SKIC2: variants seen among roughly 807,000 people sequenced by gnomAD.
The protein encoded by SKIC2 is superkiller complex protein 2.
the SKIC2 span, among the ~76,000 whole-genome samples, chr6:31,965,262 G>A: frequency 6.6e-6 from 1 of 152,206 alleles, no homozygotes; most frequent in Non-Finnish European, 1.5e-5. This position sits in a 1 kb window ranked among gnomAD's most constrained non-coding sequence, Gnocchi z 5.6. Context: ...GTGGCATGGT[G>A]TTGGTAGTAC....
chr6:31,961,685 C>T, the SKIC2 span: 2 of 1,610,190 alleles, frequency 1.2e-6, no homozygotes, highest in Middle Eastern at 1.7e-4. Flanking sequence ...GGTACTTTGG[C>T]CCCATCTTCA....
the SKIC2 span, chr6:31,968,164 G>C: frequency 6.4e-7 from 1 of 1,572,104 alleles, no homozygotes; most frequent in African/African-American, 1.3e-5. The surrounding 1 kb of genome is among the most constrained non-coding windows in gnomAD (Gnocchi z 6.1). Flanking sequence ...GTTTCCTCCA[G>C]CCTGAGGGAG....
At chr6:31,963,987 C>G in the SKIC2 span, 1 of 1,612,602 alleles carries the variant, frequency 6.2e-7, no homozygotes. The surrounding 1 kb of genome is among the most constrained non-coding windows in gnomAD (Gnocchi z 5.3). Context: ...TGTTCACCTT[C>G]TCCCGGGGCC....
the SKIC2 span, chr6:31,963,721 G>C: frequency 6.5e-7 from 1 of 1,546,236 alleles, no homozygotes. This position sits in a 1 kb window ranked among gnomAD's most constrained non-coding sequence, Gnocchi z 5.3. Flanking sequence ...CACATCAGGG[G>C]GGCCCTGCAC....
the SKIC2 span, chr6:31,968,751 G>A: frequency 2.5e-6 from 4 of 1,612,932 alleles, no homozygotes; most frequent in East Asian, 6.7e-5. The surrounding 1 kb of genome is among the most constrained non-coding windows in gnomAD (Gnocchi z 6.1). Context: ...TCCTACTGTC[G>A]GATCAGTCAT....
chr6:31,967,415 G>A, the SKIC2 span: 1 of 1,493,712 alleles, frequency 6.7e-7, no homozygotes, highest in African/African-American at 1.4e-5. The surrounding 1 kb of genome is among the most constrained non-coding windows in gnomAD (Gnocchi z 4.9). Context: ...GAGGGTGGGA[G>A]GGAGCAAGCC....
At chr6:31,967,113 A>G in the SKIC2 span, 4 of 1,612,034 alleles carry the variant, frequency 2.5e-6, no homozygotes, top group Non-Finnish European at 3.4e-6. This position sits in a 1 kb window ranked among gnomAD's most constrained non-coding sequence, Gnocchi z 4.9. Context: ...TGGGGGGAGG[A>G]ACTGACAGAG....
chr6:31,968,198 T>G, the SKIC2 span: 2 of 1,495,914 alleles, frequency 1.3e-6, no homozygotes, highest in Non-Finnish European at 1.8e-6. The surrounding 1 kb of genome is among the most constrained non-coding windows in gnomAD (Gnocchi z 6.1). Flanking sequence ...GGGGTTGTAG[T>G]GAGGGGGCTC....
the SKIC2 span, chr6:31,959,193 A>C: frequency 6.2e-7 from 1 of 1,610,156 alleles, no homozygotes; most frequent in South Asian, 1.1e-5. Context: ...TGGCTCCAGG[A>C]TGATGGAGAC....
chr6:31,963,338 G>T, the SKIC2 span: 10 of 1,365,350 alleles, frequency 7.3e-6, no homozygotes, highest in Non-Finnish European at 8.9e-6. The surrounding 1 kb of genome is among the most constrained non-coding windows in gnomAD (Gnocchi z 5.3). Context: ...AAGTTGGAGG[G>T]GTAGGGAAGG....
At chr6:31,961,832 C>T in the SKIC2 span, 1 of 1,582,488 alleles carries the variant, frequency 6.3e-7, no homozygotes, top group Non-Finnish European at 8.6e-7. Context: ...CATCCGCCCG[C>T]CCTGCGTGCT....
At chr6:31,968,017 G>GGT in the SKIC2 span, 1 of 1,612,982 alleles carries the variant, frequency 6.2e-7, no homozygotes, top group Non-Finnish European at 8.5e-7. This position sits in a 1 kb window ranked among gnomAD's most constrained non-coding sequence, Gnocchi z 6.1. Flanking sequence ...TCACCACCAA[G>GGT]GTGCTCCGGG....
chr6:31,961,404 G>C, the SKIC2 span: 1 of 1,535,586 alleles, frequency 6.5e-7, no homozygotes, highest in Non-Finnish European at 8.7e-7. Flanking sequence ...GTTCTGTGTA[G>C]TGGAGGCAAG....
chr6:31,967,784 C>G, the SKIC2 span: 1 of 1,613,018 alleles, frequency 6.2e-7, no homozygotes, highest in Non-Finnish European at 8.5e-7. The surrounding 1 kb of genome is among the most constrained non-coding windows in gnomAD (Gnocchi z 4.9). Context: ...GTCCCAGGAC[C>G]CACAGGACAG....
the SKIC2 span, chr6:31,961,398 T>C: frequency 6.5e-7 from 1 of 1,538,148 alleles, no homozygotes; most frequent in Non-Finnish European, 8.7e-7. Flanking sequence ...TTGGTGGTTC[T>C]GTGTAGTGGA....
the SKIC2 span, chr6:31,962,547 G>C: frequency 6.2e-7 from 1 of 1,613,822 alleles, no homozygotes; most frequent in Non-Finnish European, 8.5e-7. The surrounding 1 kb of genome is among the most constrained non-coding windows in gnomAD (Gnocchi z 5.0). Flanking sequence ...AGCTGCATCC[G>C]GAGGCCTCCT....
chr6:31,962,138 A>C, the SKIC2 span: 4 of 1,383,996 alleles, frequency 2.9e-6, no homozygotes, highest in Non-Finnish European at 4.1e-6. This position sits in a 1 kb window ranked among gnomAD's most constrained non-coding sequence, Gnocchi z 5.0. Flanking sequence ...CTCTTCCCCC[A>C]CCTCTCTAGC....
At chr6:31,966,637 C>G in the SKIC2 span, 1 of 1,547,042 alleles carries the variant, frequency 6.5e-7, no homozygotes, top group East Asian at 2.2e-5. This position sits in a 1 kb window ranked among gnomAD's most constrained non-coding sequence, Gnocchi z 5.9. Flanking sequence ...GGGAGTAGGC[C>G]CAGTCCAGAA....
the SKIC2 span, chr6:31,963,276 A>G: frequency 1.1e-6 from 1 of 888,778 alleles, no homozygotes. The surrounding 1 kb of genome is among the most constrained non-coding windows in gnomAD (Gnocchi z 5.3). Flanking sequence ...TTGAAATGGG[A>G]TGAGATGTTG....
Sources: gnomAD v4.1 joint callset for allele counts (sites outside exome capture counted in the v4.1 genomes callset) on GRCh38, gnomAD v4.1.1 for gene constraint, Gnocchi (gnomAD v3.1) non-coding constraint, MANE v1.5 for transcripts, NCBI Gene and HGNC (gene_info 2026-07-23, HGNC 2026-07-21) for gene names.